RBP5: variants seen among roughly 807,000 people sequenced by gnomAD.
The protein encoded by RBP5 is retinol binding protein 5, also known as retinol-binding protein 5.
A neutral mutation model predicts 17.8 loss-of-function variants in RBP5; 12 were observed. That is an observed-to-expected ratio of 0.67 (90% CI 0.43 to 1.09). RBP5 has a LOEUF of 1.09. Ranked by LOEUF, RBP5 falls within the 50% of genes least tolerant of loss-of-function variation. The pLI is 0.00. For missense variants in RBP5, 172 were observed against 169.4 expected (o/e 1.02, Z -0.09); for synonymous variants, 64 against 68.1 (o/e 0.94, Z 0.30).
chr12:7,117,986 T>G lies in RBP5; in HGVS notation n.890-679A>C, dbSNP rs1373520735. ...CATACTGGACTATCCCTTCCTTCAA[T>G]ATGTTCATGGCTGAGGCTGCATTTG... On this transcript the variant is annotated intron_variant and non_coding_transcript_variant, in intron 3 of 3. Coordinates refer to the RBP5 transcript ENST00000619522. This position sits in a 1 kb window ranked among gnomAD's most constrained non-coding sequence, Gnocchi z 4.9. 3 of 152,228 alleles carry G rather than the reference T, an allele frequency of 2.0e-5. No individual in the cohort carries two copies. Among genetic ancestry groups the G allele is most frequent in the African/African-American group, 7.2e-5 (3 of 41,438 alleles). 9.4% of individuals were successfully genotyped at this position (152,228 alleles called of 1,614,324 possible).
chr12:7,129,916 G>A, upstream of RBP5: 2 of 563,860 alleles, frequency 3.5e-6, no homozygotes, highest in Non-Finnish European at 2.3e-6. The surrounding 1 kb of genome is among the most constrained non-coding windows in gnomAD (Gnocchi z 5.5). Context: ...TGGCTTCCTC[G>A]CAGCCCTGGG....
At chr12:7,120,067 C>G (rs1939058548), downstream of RBP5, among the ~76,000 whole-genome samples, 1 of 152,028 alleles carries the variant, frequency 6.6e-6, no homozygotes, top group Non-Finnish European at 1.5e-5. Context: ...AGAGCTGCCT[C>G]CTCTCCCTGG....
chr12:7,129,438 A>G (rs760562160), upstream of RBP5: 1 of 179,278 alleles, frequency 5.6e-6, no homozygotes, highest in Admixed American at 6.4e-5. The surrounding 1 kb of genome is among the most constrained non-coding windows in gnomAD (Gnocchi z 5.5). Context: ...GGTCCTAAAG[A>G]GCCATTAGGA....
In RBP5 at chr12:7,128,047, G is replaced by A. The variant is rs1939204206; in HGVS notation, c.252+193C>T. On this transcript the variant is annotated intron_variant, in intron 2 of 3. Transcript: ENST00000266560. The surrounding 1 kb of genome is among the most constrained non-coding windows in gnomAD (Gnocchi z 5.3). ...GATAAGAGGGGGCAGGGAAGAAGTG[G>A]GAGAGAGACAGGGAGCACCAGGACC... 6.6e-6 allele frequency among the ~76,000 whole-genome samples: 1 copy of A among 152,210 alleles called. No homozygotes were observed. Among genetic ancestry groups the A allele is most frequent in the African/African-American group, 2.4e-5 (1 of 41,464 alleles).
rs2135781450 is a variant in RBP5, at chr12:7,124,268, C to G, written c.355-94G>C. 9.3e-7 allele frequency: 1 copy of G among 1,074,558 alleles called. No individual in the cohort carries two copies. The highest frequency in any genetic ancestry group is 1.3e-5 in the South Asian group (1 of 77,902). The allele number at this position is 1,074,558 out of a possible 1,614,324, so 66.6% of individuals were successfully genotyped here. A position where few individuals can be genotyped will look rare whatever the true frequency, so the allele number is the denominator to read the frequency against. On this transcript the variant is annotated intron_variant, in intron 3 of 3. Transcript: ENST00000266560. This position sits in a 1 kb window ranked among gnomAD's most constrained non-coding sequence, Gnocchi z 5.3. ...GGTCCTTGACCTCCATTTACTCCTT[C>G]CGGATACAGCAGCTTGAGTGTTTGA...
chr12:7,128,479 G>A lies in RBP5; in HGVS notation c.74-61C>T. 1 of 1,551,462 alleles carries A rather than the reference G, an allele frequency of 6.4e-7. No homozygotes were observed. The highest frequency in any genetic ancestry group is 2.2e-5 in the East Asian group (1 of 44,530). ...CCAGCCAGGAGCTCCTCTGCCTGCA[G>A]CAGCCCCTCAGGGCTGTGAGTTTCC... On this transcript the variant is annotated intron_variant, in intron 1 of 3. Transcript: ENST00000266560. This position sits in a 1 kb window ranked among gnomAD's most constrained non-coding sequence, Gnocchi z 5.3.
rs749985592 is a variant in RBP5, at chr12:7,128,220, C to T, written c.252+20G>A. 1.9e-6 allele frequency: 3 copies of T among 1,595,140 alleles called. No individual in the cohort carries two copies. The highest frequency in any genetic ancestry group is 3.4e-5 in the Admixed American group (2 of 58,724). ...CTGTGATGCCTCCTTCCGGCCACCG[C>T]CCAGCCAGGGGAAATGTACCTGGCA... On this transcript the variant is annotated intron_variant, in intron 2 of 3. Coordinates refer to ENST00000266560, the MANE Select transcript of RBP5 (RefSeq NM_031491.4). The surrounding 1 kb of genome is among the most constrained non-coding windows in gnomAD (Gnocchi z 5.3).
At chr12:7,116,898 T>C (rs1011233366) in exon 4 of RBP5, 1 of 152,130 alleles carries the variant, frequency 6.6e-6, no homozygotes, top group Admixed American at 6.5e-5. Flanking sequence ...CAGTTATCTG[T>C]CTGCTTGTAA....
At chr12:7,121,099 G>T (rs1939075566), downstream of RBP5, 1 of 152,094 alleles carries the variant, frequency 6.6e-6, no homozygotes, top group African/African-American at 2.4e-5. Flanking sequence ...GGCTCTAGGG[G>T]AGGAAGTGCA....
chr12:7,116,084 ATCC>A (rs1356750282), exon 4 of RBP5: 1 of 152,130 alleles, frequency 6.6e-6, no homozygotes, highest in Non-Finnish European at 1.5e-5. Context: ...ATCAGCTGGT[ATCC>A]TCCTTTTTCC....
At chr12:7,126,683 CAG>C in intron 2 of RBP5, among the ~76,000 whole-genome samples, 1 of 152,140 alleles carries the variant, frequency 6.6e-6, no homozygotes, top group East Asian at 1.9e-4. Flanking sequence ...GATAGGAAGA[CAG>C]TGAATTTGAA....
rs780320410 is a variant in RBP5, at chr12:7,126,510, GGTGTGTGT to G, written c.252+1722_252+1729del. ...TAGATGTGGTGGTGGTGGTGGTGGT[GGTGTGTGT>G]GTGTGTGTGTGTGTGTGTGTGTGTG... On this transcript the variant is annotated intron_variant, in intron 2 of 3. Coordinates refer to ENST00000266560, the MANE Select transcript of RBP5 (RefSeq NM_031491.4). 2.7e-3 allele frequency among the ~76,000 whole-genome samples: 349 copies of G among 131,078 alleles called. 1 individual carries two copies. Among genetic ancestry groups the G allele is most frequent in the Admixed American group, 6.9e-3 (90 of 13,114 alleles). 86.0% of individuals were successfully genotyped at this position (131,078 alleles called of 152,430 possible).
rs780320410 is a variant in RBP5, at chr12:7,126,510, GGTGTGTGTGTGTGTGTGTGT to G, written c.252+1710_252+1729del. On this transcript the variant is annotated intron_variant, in intron 2 of 3. Transcript: ENST00000266560. The stretch of plus-strand genomic sequence containing the variant: ...TAGATGTGGTGGTGGTGGTGGTGGT[GGTGTGTGTGTGTGTGTGTGT>G]GTGTGTGTGTGTGTGTGTGTGTGTG... Among the ~76,000 whole-genome samples, 1,300 of 131,120 alleles carry G rather than the reference GGTGTGTGTGTGTGTGTGTGT, an allele frequency of 9.9e-3. 30 individuals carry two copies. The highest frequency in any genetic ancestry group is 0.035 in the African/African-American group (1,245 of 35,442). The allele number at this position is 131,120 out of a possible 152,430, so 86.0% of individuals were successfully genotyped here. A position where few individuals can be genotyped will look rare whatever the true frequency, so the allele number is the denominator to read the frequency against.
chr12:7,128,589 G>T lies in RBP5; in HGVS notation c.73+114C>A. On this transcript the variant is annotated intron_variant, in intron 1 of 3. Transcript: ENST00000266560. This position sits in a 1 kb window ranked among gnomAD's most constrained non-coding sequence, Gnocchi z 5.3. ...ATCCCAGGTCTGGTGCCAGCCGCCT[G>T]AGCCTTTCCACAGTGTCCAACCCCG... is the stretch of plus-strand genomic sequence containing the variant. The T allele has an allele frequency of 1.6e-6, 2 of 1,231,668 alleles. No homozygotes were observed. Among genetic ancestry groups the T allele is most frequent in the East Asian group, 2.5e-5 (1 of 39,322 alleles). 76.3% of individuals were successfully genotyped at this position (1,231,668 alleles called of 1,614,324 possible).
Position 7,127,120 on chromosome 12 carries a change from G to A in RBP5, c.252+1120C>T, listed in dbSNP as rs188130116. ...TGATTCTTCTGCCTCAGCCTCCTGA[G>A]TAGCTGGGATTACAGGCATGCGCCA... On this transcript the variant is annotated intron_variant, in intron 2 of 3. Transcript: ENST00000266560. 4.1e-4 allele frequency among the ~76,000 whole-genome samples: 62 copies of A among 151,750 alleles called. 1 individual carries two copies. In the East Asian group the frequency reaches 9.7e-3, roughly 24 times the overall value.
At chr12:7,123,097 G>A (rs1306783380), downstream of RBP5, among the ~76,000 whole-genome samples, 1 of 152,046 alleles carries the variant, frequency 6.6e-6, no homozygotes, top group Non-Finnish European at 1.5e-5. Context: ...CTGATAGTTG[G>A]GCCCCCTAGG....
At chr12:7,123,265 C>G (rs1939106498), downstream of RBP5, among the ~76,000 whole-genome samples, 1 of 152,224 alleles carries the variant, frequency 6.6e-6, no homozygotes, top group Non-Finnish European at 1.5e-5. Flanking sequence ...TATCTCTGGT[C>G]TCCAGCCTTG....
intron 2 of RBP5, chr12:7,127,807 G>A: frequency 2.9e-6 from 2 of 678,908 alleles, no homozygotes; most frequent in East Asian, 2.7e-5. Flanking sequence ...AAACTCTGCG[G>A]AGAAAACTCC....
downstream of RBP5, among the ~76,000 whole-genome samples, chr12:7,119,739 C>A (rs779649485): frequency 3.3e-5 from 5 of 152,220 alleles, no homozygotes; most frequent in African/African-American, 7.2e-5. Context: ...GGGCGCACTC[C>A]ACTCCAGGTC....
Sources: gnomAD v4.1 joint callset for allele counts (sites outside exome capture counted in the v4.1 genomes callset) on GRCh38, gnomAD v4.1.1 for gene constraint, Gnocchi (gnomAD v3.1) non-coding constraint, MANE v1.5 for transcripts, NCBI Gene and HGNC (gene_info 2026-07-23, HGNC 2026-07-21) for gene names.